CTNNA3: variants seen among roughly 807,000 people sequenced by gnomAD.
The protein encoded by CTNNA3 is catenin alpha 3.
In CTNNA3, 76 loss-of-function variants were observed where a neutral mutation model predicts 95.7. The observed-to-expected ratio is 0.79, with a 90% CI of 0.66 to 0.96. CTNNA3 has a LOEUF of 0.96. CTNNA3 is among the 40% of genes least tolerant of loss of function. The pLI is 0.00. For missense variants in CTNNA3, 1,191 were observed against 1,089.8 expected, an observed-to-expected ratio of 1.09 and a Z score of -1.31; for synonymous variants, 431 against 374.4, an observed-to-expected ratio of 1.15 and a Z score of -1.74.
Position 67,125,960 on chromosome 10 carries a change from T to C in CTNNA3, c.1047+54357A>G, listed in dbSNP as rs146571768. ...CCCAATATGCCCTTTTTAAGAGTAC[T>C]TTATGCTTGGTTTTTCACGTTCTGT... On this transcript the variant is annotated intron_variant, in intron 7 of 17. Coordinates refer to ENST00000433211, the MANE Select transcript of CTNNA3 (RefSeq NM_013266.4). Among the ~76,000 whole-genome samples the C allele has an allele frequency of 5.0e-3, 766 of 152,332 alleles. 6 individuals are homozygous for C. The highest frequency in any genetic ancestry group is 0.017 in the African/African-American group (714 of 41,572).
chr10:66,616,638 T>G (rs1362921608), intron 10 of CTNNA3, among the ~76,000 whole-genome samples: 2 of 152,042 alleles, frequency 1.3e-5, no homozygotes, highest in Non-Finnish European at 2.9e-5. Flanking sequence ...TACAGTGTGG[T>G]CCTTTGTACA....
At chr10:67,748,889 T>C (rs964459163) in intron 1 of CTNNA3, among the ~76,000 whole-genome samples, 1 of 152,184 alleles carries the variant, frequency 6.6e-6, no homozygotes, top group Non-Finnish European at 1.5e-5. Flanking sequence ...TAATTGTCTT[T>C]GCACATGACA....
At chr10:66,183,256 A>C (rs76170700) in intron 13 of CTNNA3, among the ~76,000 whole-genome samples, 5,700 of 152,300 alleles carry the variant, frequency 0.037, 370 homozygotes, top group African/African-American at 0.13. Flanking sequence ...AATAAAGTTC[A>C]GTGGACACAC....
At chr10:66,861,437 G>A (rs1463146475) in intron 7 of CTNNA3, among the ~76,000 whole-genome samples, 3 of 152,160 alleles carry the variant, frequency 2.0e-5, no homozygotes, top group African/African-American at 7.2e-5. Context: ...GAGCATGGGT[G>A]TGTGTGAGTG....
chr10:65,976,006 A>G (rs957419265), intron 16 of CTNNA3, among the ~76,000 whole-genome samples: 3 of 152,074 alleles, frequency 2.0e-5, no homozygotes, highest in Non-Finnish European at 2.9e-5. Context: ...CACAACACCC[A>G]CAGTTTCATG....
chr10:67,005,692 T>TGTTTGTTTGTTTG (rs1231181215), intron 7 of CTNNA3, among the ~76,000 whole-genome samples: 4 of 123,170 alleles, frequency 3.2e-5, no homozygotes, highest in African/African-American at 1.1e-4. Flanking sequence ...CTTTTTTTTT[T>TGTTTGTTTGTTTG]TTTTTTTTTT....
chr10:66,014,141 T>G (rs1420052394), intron 15 of CTNNA3, among the ~76,000 whole-genome samples: 4 of 152,042 alleles, frequency 2.6e-5, no homozygotes, highest in Non-Finnish European at 5.9e-5. Context: ...GGGCTAGGAA[T>G]GAATGCACAG....
intron 11 of CTNNA3, among the ~76,000 whole-genome samples, chr10:66,442,536 C>A (rs1404694696): frequency 2.0e-5 from 3 of 152,114 alleles, no homozygotes; most frequent in Non-Finnish European, 2.9e-5. Flanking sequence ...AAAACAGATT[C>A]ACTTATATGA....
intron 5 of CTNNA3, among the ~76,000 whole-genome samples, chr10:67,277,628 C>G (rs111576072): frequency 0.045 from 6,820 of 152,146 alleles, 208 homozygotes; most frequent in South Asian, 0.1. Flanking sequence ...GCACAAGATA[C>G]AGGTCACAAA....
intron 15 of CTNNA3, among the ~76,000 whole-genome samples, chr10:66,046,341 C>T (rs3998979): frequency 0.52 from 79,596 of 151,854 alleles, 21,235 homozygotes; most frequent in South Asian, 0.59. Flanking sequence ...AGCTGCTCAG[C>T]CATATGTGGA....
intron 5 of CTNNA3, among the ~76,000 whole-genome samples, chr10:67,419,489 A>G (rs1312064180): frequency 6.6e-6 from 1 of 151,936 alleles, no homozygotes; most frequent in Non-Finnish European, 1.5e-5. Context: ...CCTGATAGGT[A>G]GCTTTTTAAC....
chr10:67,638,962 A>G (rs550467188), intron 2 of CTNNA3, among the ~76,000 whole-genome samples: 1 of 152,342 alleles, frequency 6.6e-6, no homozygotes, highest in East Asian at 1.9e-4. Flanking sequence ...GAGAAGCAAG[A>G]GCAAACACAT....
chr10:67,731,644 TA>T (rs1237721304), intron 1 of CTNNA3, among the ~76,000 whole-genome samples: 1 of 151,314 alleles, frequency 6.6e-6, no homozygotes, highest in African/African-American at 2.4e-5. Context: ...CTACTAAAAA[TA>T]CAAAAAGTTA....
intron 13 of CTNNA3, among the ~76,000 whole-genome samples, chr10:66,234,910 CA>C (rs2089775614): frequency 6.6e-6 from 1 of 152,170 alleles, no homozygotes; most frequent in Non-Finnish European, 1.5e-5. Flanking sequence ...TTGATTCCTG[CA>C]ATTGAAGCCA....
chr10:67,481,233 ACTCTC>A (rs1848212733), intron 5 of CTNNA3, among the ~76,000 whole-genome samples: 1 of 152,122 alleles, frequency 6.6e-6, no homozygotes, highest in African/African-American at 2.4e-5. Context: ...AAAGATGCCC[ACTCTC>A]ACTACTCATC....
chr10:66,097,631 A>G (rs909979607), intron 14 of CTNNA3, among the ~76,000 whole-genome samples: 1 of 152,126 alleles, frequency 6.6e-6, no homozygotes, highest in Non-Finnish European at 1.5e-5. Flanking sequence ...CAGTAGTTCT[A>G]TAAAAGGCAA....
chr10:66,588,281 A>G (rs751500055), intron 10 of CTNNA3, among the ~76,000 whole-genome samples: 1 of 151,658 alleles, frequency 6.6e-6, no homozygotes, highest in Non-Finnish European at 1.5e-5. Context: ...ACAGTTTTCC[A>G]TCTGGTTCAC....
intron 11 of CTNNA3, among the ~76,000 whole-genome samples, chr10:66,494,865 C>T (rs890569946): frequency 6.6e-6 from 1 of 152,178 alleles, no homozygotes; most frequent in Non-Finnish European, 1.5e-5. Context: ...TTATCACTCC[C>T]ATTTTACAGA....
intron 15 of CTNNA3, among the ~76,000 whole-genome samples, chr10:66,000,947 A>G (rs1051887405): frequency 2.0e-5 from 3 of 152,122 alleles, no homozygotes; most frequent in Non-Finnish European, 2.9e-5. Flanking sequence ...AAACATATCG[A>G]GTTAAAAATT....
Sources: gnomAD v4.1 joint callset for allele counts (sites outside exome capture counted in the v4.1 genomes callset) on GRCh38, gnomAD v4.1.1 for gene constraint, MANE v1.5 for transcripts, NCBI Gene and HGNC (gene_info 2026-07-23, HGNC 2026-07-21) for gene names.